The following TRIM2 variants were observed in gnomAD, a reference collection of about 807,000 sequenced individuals.
The protein encoded by TRIM2 is tripartite motif-containing protein 2.
In TRIM2, 20 loss-of-function variants were observed where a neutral mutation model predicts 75.2. The observed-to-expected ratio is 0.27, with a 90% CI of 0.19 to 0.39. The LOEUF is 0.39. TRIM2 is among the 10% of genes least tolerant of loss of function. The pLI, the probability that TRIM2 is intolerant of heterozygous loss-of-function variation, is 1.00. For synonymous variants in TRIM2, 373 were observed against 388.3 expected, an observed-to-expected ratio of 0.96 and a Z score of 0.46; for missense variants, 660 against 990.8, an observed-to-expected ratio of 0.67 and a Z score of 4.48.
chr4:153,324,139 T>C lies in TRIM2; in HGVS notation c.2013T>C (p.His671=). The change falls in exon 10 of 12, where the codon CAT becomes CAC. Residue 671 remains histidine (H), a synonymous_variant. Coordinates refer to ENST00000338700, the MANE Select transcript of TRIM2 (RefSeq NM_015271.5). Reference sequence around the variant, plus strand: ...TTATTATTACAGATTTCCATAATCATTCTGTCAAGGTACTACAAGCACATG... The same window carrying C: ...TTATTATTACAGATTTCCATAATCACTCTGTCAAGGTACTACAAGCACATG... ...NEIIITDFHN[H]SVKVFNQEGE... is the part of the protein sequence containing the mutation. The C allele has an allele frequency of 6.2e-7, 1 of 1,612,168 alleles. No homozygotes were observed. Among genetic ancestry groups the C allele is most frequent in the Non-Finnish European group, 8.5e-7 (1 of 1,179,372 alleles).
At chr4:153,215,619 C>T (rs571245157) in intron 1 of TRIM2, among the ~76,000 whole-genome samples, 1 of 152,052 alleles carries the variant, frequency 6.6e-6, no homozygotes, top group Admixed American at 6.6e-5. Context: ...TTCCGTTGAG[C>T]TGTTGCCTTA....
chr4:153,200,944 G>A (rs1579487933), upstream of TRIM2, among the ~76,000 whole-genome samples: 1 of 151,292 alleles, frequency 6.6e-6, no homozygotes, highest in South Asian at 2.1e-4. Context: ...GAGCCACCAC[G>A]CCTGGTCTCA....
intron 1 of TRIM2, among the ~76,000 whole-genome samples, chr4:153,244,363 C>CTTCCTG (rs1748139639): frequency 5.5e-5 from 2 of 36,354 alleles, no homozygotes; most frequent in South Asian, 2.3e-3. Context: ...TCCTCTTCTT[C>CTTCCTG]TTCTTCTTCT....
Position 153,335,615 on chromosome 4 carries a change from C to T in TRIM2, c.*649C>T. The T allele has an allele frequency of 2.0e-6, 2 of 985,336 alleles. No homozygotes were observed. The highest frequency in any genetic ancestry group is 2.4e-6 in the Non-Finnish European group (2 of 829,898). The allele number at this position is 985,336 out of a possible 1,614,324, so 61.0% of individuals were successfully genotyped here. A position where few individuals can be genotyped will look rare whatever the true frequency, so the allele number is the denominator to read the frequency against. ...AGACAAAGATCCTTTTTTGTGTGTT[C>T]TTTTCACCACCCCTTTGGCTCACCT... On this transcript the variant is annotated 3_prime_UTR_variant, in exon 12 of 12. Coordinates refer to ENST00000338700, the MANE Select transcript of TRIM2 (RefSeq NM_015271.5).
chr4:153,244,660 T>C (rs900422235), intron 1 of TRIM2, among the ~76,000 whole-genome samples: 1 of 152,030 alleles, frequency 6.6e-6, no homozygotes, highest in Admixed American at 6.6e-5. Flanking sequence ...ACTTTATTAA[T>C]TGCAGTGTCT....
chr4:153,332,443 G>C (rs1026528036), intron 11 of TRIM2, among the ~76,000 whole-genome samples: 16 of 152,204 alleles, frequency 1.1e-4, no homozygotes, highest in Admixed American at 3.9e-4. Context: ...TCAGGAGTTT[G>C]AGACCAGCCT....
chr4:153,278,295 G>A (rs1009726450), intron 3 of TRIM2, among the ~76,000 whole-genome samples: 1 of 152,092 alleles, frequency 6.6e-6, no homozygotes, highest in Non-Finnish European at 1.5e-5. Flanking sequence ...TGTATTTTCT[G>A]TAGAGACAGG....
chr4:153,299,114 CT>C (rs1161625592), intron 6 of TRIM2, among the ~76,000 whole-genome samples: 1 of 152,210 alleles, frequency 6.6e-6, no homozygotes, highest in East Asian at 1.9e-4. Flanking sequence ...CTAAATTTTT[CT>C]GTCTTTTGAT....
chr4:153,230,720 G>T (rs1718056824), intron 1 of TRIM2, among the ~76,000 whole-genome samples: 1 of 152,132 alleles, frequency 6.6e-6, no homozygotes, highest in South Asian at 2.1e-4. Flanking sequence ...ACCAGGATAT[G>T]CTTTGTAGTT....
At chr4:153,191,592 G>C (rs1733194100) in intron 1 of TRIM2, among the ~76,000 whole-genome samples, 1 of 152,236 alleles carries the variant, frequency 6.6e-6, no homozygotes, top group Non-Finnish European at 1.5e-5. Context: ...AATGTACCCA[G>C]ATTTTTTGTT....
chr4:153,239,336 A>C (rs916135491), intron 1 of TRIM2, among the ~76,000 whole-genome samples: 1 of 146,912 alleles, frequency 6.8e-6, no homozygotes, highest in African/African-American at 2.6e-5. Context: ...TAGGAGACAC[A>C]GCGTGACTCC....
chr4:153,196,509 A>G (rs1733795328), intron 1 of TRIM2, among the ~76,000 whole-genome samples: 1 of 152,126 alleles, frequency 6.6e-6, no homozygotes, highest in African/African-American at 2.4e-5. Flanking sequence ...GTGAGTTCCT[A>G]TGCCTGGGGT....
intron 4 of TRIM2, 85 bp from the exon 5 acceptor site, chr4:153,294,220 T>G: frequency 2.8e-6 from 4 of 1,419,722 alleles, no homozygotes; most frequent in Non-Finnish European, 1.9e-6. Context: ...CATAGAATTT[T>G]TTTAAACAAA....
chr4:153,240,938 G>A (rs555615060), intron 1 of TRIM2, among the ~76,000 whole-genome samples: 4 of 152,314 alleles, frequency 2.6e-5, no homozygotes, highest in East Asian at 3.9e-4. Flanking sequence ...TTAGCTGGGC[G>A]TGGTGACGCA....
intron 1 of TRIM2, among the ~76,000 whole-genome samples, chr4:153,159,462 G>A (rs918730890): frequency 5.3e-5 from 8 of 151,676 alleles, no homozygotes; most frequent in Admixed American, 2.6e-4. Context: ...TACCACACCC[G>A]GCTAATTTTT....
chr4:153,287,205 C>A lies in TRIM2; in HGVS notation c.454-5777C>A, dbSNP rs61283008. 4.9e-3 allele frequency among the ~76,000 whole-genome samples: 749 copies of A among 152,218 alleles called. 11 individuals carry two copies. The highest frequency in any genetic ancestry group is 0.017 in the African/African-American group (719 of 41,516). On this transcript the variant is annotated intron_variant, in intron 3 of 11. Coordinates refer to ENST00000338700, the MANE Select transcript of TRIM2 (RefSeq NM_015271.5). ...ATGTTTTTCAAGCTGGTCTTGACCT[C>A]CTGGACTCAAGCAATCCTCCTGCCT...
At chr4:153,333,000 C>G (rs544443479) in intron 11 of TRIM2, among the ~76,000 whole-genome samples, 42 of 152,272 alleles carry the variant, frequency 2.8e-4, no homozygotes, top group African/African-American at 9.6e-4. Flanking sequence ...AACTTACGTC[C>G]ACACAAAAAC....
chr4:153,165,806 T>TTTTTTC (rs996087663), intron 1 of TRIM2, among the ~76,000 whole-genome samples: 2 of 152,170 alleles, frequency 1.3e-5, no homozygotes, highest in African/African-American at 4.8e-5. Context: ...TTATGAACTA[T>TTTTTTC]TTTTTCTTAC....
At chr4:153,276,964 A>C (rs1397506348) in intron 3 of TRIM2, among the ~76,000 whole-genome samples, 1 of 152,240 alleles carries the variant, frequency 6.6e-6, no homozygotes, top group Non-Finnish European at 1.5e-5. Flanking sequence ...TTTTTCATTA[A>C]TTACTTTATA....
Sources: allele counts gnomAD v4.1 joint callset (sites outside exome capture counted in the v4.1 genomes callset), GRCh38; gene constraint gnomAD v4.1.1; transcripts MANE v1.5; gene names NCBI Gene and HGNC (gene_info 2026-07-23, HGNC 2026-07-21).